Variants in ATP9A observed in about 807,000 individuals in gnomAD.
ATP9A encodes probable phospholipid-transporting ATPase IIA.
ATP9A carries 52 observed loss-of-function variants against 144.1 expected under a neutral mutation model. The observed-to-expected ratio is 0.36, with a 90% CI of 0.29 to 0.45. The LOEUF (loss-of-function observed/expected upper bound fraction) is 0.45, where lower values mean the gene tolerates loss of function less well. ATP9A is among the 20% of genes least tolerant of loss of function. ATP9A has a pLI of 1.00. For missense variants in ATP9A, 947 were observed against 1,392.7 expected (o/e 0.68, Z 5.09); for synonymous variants, 582 against 557.4 (o/e 1.04, Z -0.62).
At chr20:51,718,814 C>CAAAAAAAAAAAAAAAAAAAAAAAAAAA (rs71192550) in intron 3 of ATP9A, among the ~76,000 whole-genome samples, 11 of 57,692 alleles carry the variant, frequency 1.9e-4, no homozygotes, top group Non-Finnish European at 2.1e-4. Context: ...GACTCCATCT[C>CAAAAAAAAAAAAAAAAAAAAAAAAAAA]AAAAAAAAAA....
chr20:51,711,794 G>T (rs555307659), intron 4 of ATP9A, among the ~76,000 whole-genome samples: 2,296 of 150,614 alleles, frequency 0.015, 23 homozygotes, highest in Non-Finnish European at 0.022. Flanking sequence ...GCAAGTGGGG[G>T]GTCAGTGATT....
At chr20:51,768,261 G>T (rs2077914516) in intron 1 of ATP9A, 41 bp downstream of exon 1, 4 of 1,214,278 alleles carry the variant, frequency 3.3e-6, no homozygotes, top group Non-Finnish European at 4.1e-6. Flanking sequence ...CGGGCTCCGG[G>T]AGGCGCGGAC....
At chr20:51,736,490 T>G (rs1477508269) in intron 1 of ATP9A, among the ~76,000 whole-genome samples, 1 of 112,960 alleles carries the variant, frequency 8.9e-6, no homozygotes, top group Non-Finnish European at 1.9e-5. Context: ...GTAGTTACTC[T>G]TATTTTTTTT....
intron 21 of ATP9A, among the ~76,000 whole-genome samples, chr20:51,618,308 C>T (rs569721263): frequency 1.3e-4 from 20 of 151,972 alleles, no homozygotes; most frequent in Middle Eastern, 3.4e-3. Context: ...ATAAGCAAAC[C>T]GAGGCTCAGA....
intron 23 of ATP9A, among the ~76,000 whole-genome samples, chr20:51,612,956 C>A (rs1295580027): frequency 6.6e-6 from 1 of 152,160 alleles, no homozygotes; most frequent in Non-Finnish European, 1.5e-5. Flanking sequence ...GACACGGTCC[C>A]AGGCCCTCCA....
At chr20:51,734,154 A>ATT (rs373735614) in intron 1 of ATP9A, among the ~76,000 whole-genome samples, 12 of 149,402 alleles carry the variant, frequency 8.0e-5, no homozygotes, top group Non-Finnish European at 1.2e-4. Context: ...AATTTTTGTA[A>ATT]TTTTTTTTTT....
rs2077232647 is a variant in ATP9A, at chr20:51,622,905, GTA to G, written c.2017-735_2017-734del. ...AAAGAAAATCTGGATAGGAGGGAAA[GTA>G]TAGGAAAGAAGATCATGACAATTGT... On this transcript the variant is annotated intron_variant, in intron 18 of 27. Transcript: ENST00000338821. Among the ~76,000 whole-genome samples, 3 of 152,210 alleles carry G rather than the reference GTA, an allele frequency of 2.0e-5. No homozygotes were observed. The South Asian group carries it at 6.2e-4, about 32-fold the overall frequency.
At chr20:51,656,790 T>C (rs1241661706) in intron 14 of ATP9A, 148 bp downstream of exon 14, 6 of 691,922 alleles carry the variant, frequency 8.7e-6, no homozygotes, top group African/African-American at 5.4e-5. Flanking sequence ...CGTTTCTTTC[T>C]TGTATTTGAA....
intron 1 of ATP9A, among the ~76,000 whole-genome samples, chr20:51,760,738 A>AC (rs1460765636): frequency 6.8e-6 from 1 of 146,788 alleles, no homozygotes; most frequent in African/African-American, 2.5e-5. Flanking sequence ...AAAAAAAAAA[A>AC]AAAATGCCAG....
chr20:51,718,069 C>T (rs941476280), intron 3 of ATP9A, among the ~76,000 whole-genome samples: 1 of 152,076 alleles, frequency 6.6e-6, no homozygotes, highest in Admixed American at 6.6e-5. Context: ...CATGTCTGTA[C>T]CCCAAGACAT....
chr20:51,753,039 T>C (rs920324637), intron 1 of ATP9A, among the ~76,000 whole-genome samples: 2 of 150,934 alleles, frequency 1.3e-5, no homozygotes, highest in Non-Finnish European at 1.5e-5. Context: ...GAGGCAGAAG[T>C]TGCAGTGAGC....
rs967937722 is a variant in ATP9A at position 51,694,061 on chromosome 20, C to T, written c.589G>A (p.Asp197Asn). The change falls in exon 7 of 28, where the codon GAC becomes AAC. Residue 197 changes from aspartate (D) to asparagine (N), a missense_variant. Physicochemically the swap from Asp to Asn is conservative, Grantham distance 23. Coordinates refer to ENST00000338821, the MANE Select transcript of ATP9A (RefSeq NM_006045.3). ...LRTDQLDGET[D>N]WKLRLPVACT... is the part of the protein sequence containing the mutation. ...GCCACGGGAAGCCGCAGCTTCCAGTCCGTCTCCCCATCCAGCTGATCCGTC... is the reference window on the plus strand; with the variant it reads ...GCCACGGGAAGCCGCAGCTTCCAGTTCGTCTCCCCATCCAGCTGATCCGTC... 8.1e-6 allele frequency: 13 copies of T among 1,614,016 alleles called. No individual in the cohort carries two copies. The Admixed American group carries it at 1.3e-4, about 17-fold the overall frequency.
At chr20:51,738,190 G>A (rs547234546) in intron 1 of ATP9A, among the ~76,000 whole-genome samples, 13 of 151,958 alleles carry the variant, frequency 8.6e-5, no homozygotes, top group African/African-American at 2.4e-4. Flanking sequence ...CACCACGCCC[G>A]GCTAATTTTT....
intron 1 of ATP9A, among the ~76,000 whole-genome samples, chr20:51,747,652 TG>T (rs1568846125): frequency 6.6e-6 from 1 of 152,216 alleles, no homozygotes; most frequent in African/African-American, 2.4e-5. Context: ...TTCCAGCAGA[TG>T]GGCAGTCAGG....
chr20:51,646,990 G>A (rs2077344842), intron 14 of ATP9A, among the ~76,000 whole-genome samples: 1 of 151,932 alleles, frequency 6.6e-6, no homozygotes, highest in Non-Finnish European at 1.5e-5. Context: ...GGGCCGGTGG[G>A]TGCCTGTAAT....
intron 22 of ATP9A, among the ~76,000 whole-genome samples, 166 bp from the exon 23 acceptor site, chr20:51,613,998 A>G (rs904227098): frequency 6.6e-6 from 1 of 152,230 alleles, no homozygotes; most frequent in Non-Finnish European, 1.5e-5. Flanking sequence ...TCTAAATTTG[A>G]TTTTAAAAGG....
intron 3 of ATP9A, among the ~76,000 whole-genome samples, chr20:51,718,833 A>C (rs1420569867): frequency 2.8e-5 from 3 of 106,168 alleles, no homozygotes; most frequent in Non-Finnish European, 6.3e-5. Context: ...AAAAAAAAAA[A>C]AAAAAAAAAA....
chr20:51,639,275 C>A, intron 15 of ATP9A, 68 bp downstream of exon 15: 1 of 1,480,624 alleles, frequency 6.8e-7, no homozygotes, highest in Non-Finnish European at 9.2e-7. Flanking sequence ...AGAATGTCAA[C>A]CCACAGGGAC....
chr20:51,744,767 G>T (rs1185215053), intron 1 of ATP9A, among the ~76,000 whole-genome samples: 1 of 152,180 alleles, frequency 6.6e-6, no homozygotes, highest in Non-Finnish European at 1.5e-5. Flanking sequence ...AACCTTCCAG[G>T]AAGTTACAGG....
Sources: allele counts gnomAD v4.1 joint callset (sites outside exome capture counted in the v4.1 genomes callset), GRCh38; gene constraint gnomAD v4.1.1; transcripts MANE v1.5; gene names NCBI Gene and HGNC (gene_info 2026-07-23, HGNC 2026-07-21).